SLC14A2: variants seen among roughly 807,000 people sequenced by gnomAD.
SLC14A2 encodes the protein solute carrier family 14 member 2.
SLC14A2 carries 91 observed loss-of-function variants against 104.6 expected under a neutral mutation model. The observed-to-expected ratio is 0.87, with a 90% CI of 0.73 to 1.04. The LOEUF is 1.04. Ranked by LOEUF, SLC14A2 falls within the 50% of genes least tolerant of loss-of-function variation. The probability of loss-of-function intolerance (pLI) is 0.00; values close to 1 mark genes in which losing one functional copy is unlikely to be tolerated. For missense variants in SLC14A2, 1,189 were observed against 1,156.0 expected (o/e 1.03, Z -0.41); for synonymous variants, 476 against 466.4 (o/e 1.02, Z -0.27).
chr18:45,388,346 G>A (rs10445474), intron 1 of SLC14A2, among the ~76,000 whole-genome samples: 5 of 152,062 alleles, frequency 3.3e-5, no homozygotes, highest in African/African-American at 1.2e-4. Context: ...ACAGGCATGA[G>A]CCACCGCGCC....
chr18:45,529,672 G>A (rs1046992947), intron 2 of SLC14A2: 1 of 152,054 alleles, frequency 6.6e-6, no homozygotes, highest in African/African-American at 2.4e-5. Flanking sequence ...GAAGTATCTC[G>A]GTCAGCAAGA....
At chr18:45,408,860 T>C (rs1000430413) in intron 1 of SLC14A2, among the ~76,000 whole-genome samples, 2 of 152,200 alleles carry the variant, frequency 1.3e-5, no homozygotes, top group Non-Finnish European at 2.9e-5. Context: ...ACCAACTAGC[T>C]GTGTGACTTT....
At position 45,345,148 on chromosome 18, in the gene SLC14A2, C is replaced by T. The variant is rs192897732; in HGVS notation, c.-125+131957C>T. ...AGGTGCTTCATGTCAGTACCTTTCA[C>T]TTTGTGAAGACCCACAGTGAGAAAT... is the stretch of plus-strand genomic sequence containing the variant. On this transcript the variant is annotated intron_variant, in intron 1 of 20. Transcript: ENST00000586448. Among the ~76,000 whole-genome samples the T allele has an allele frequency of 3.5e-4, 54 of 152,266 alleles. 1 individual carries two copies. Among genetic ancestry groups the T allele is most frequent in the Admixed American group, 9.8e-4 (15 of 15,290 alleles).
chr18:45,681,969 C>G (rs2046314993), intron 19 of SLC14A2, among the ~76,000 whole-genome samples: 1 of 152,204 alleles, frequency 6.6e-6, no homozygotes, highest in South Asian at 2.1e-4. Context: ...GGAGAAGACA[C>G]AGGATGACCA....
chr18:45,556,901 T>C (rs574301708), intron 2 of SLC14A2, among the ~76,000 whole-genome samples: 6 of 152,210 alleles, frequency 3.9e-5, no homozygotes, highest in Non-Finnish European at 7.3e-5. Context: ...AAAAACTTTA[T>C]GCATATAAGA....
intron 1 of SLC14A2, among the ~76,000 whole-genome samples, chr18:45,464,047 C>T (rs1480324092): frequency 3.9e-5 from 6 of 152,282 alleles, no homozygotes; most frequent in South Asian, 4.1e-4. Flanking sequence ...AGAACGCTAA[C>T]GCCTAACAAC....
chr18:45,309,689 G>A (rs1216997105), intron 1 of SLC14A2, among the ~76,000 whole-genome samples: 2 of 152,072 alleles, frequency 1.3e-5, no homozygotes, highest in African/African-American at 4.8e-5. Flanking sequence ...AAAAAAATTG[G>A]TTTTGTTGCT....
At chr18:45,170,498 A>G in the SLC14A2 span, among the ~76,000 whole-genome samples, 2 of 152,178 alleles carry the variant, frequency 1.3e-5, no homozygotes, top group Non-Finnish European at 2.9e-5. Context: ...ATGGACACAA[A>G]AAGGAACTCA....
At chr18:45,417,779 TA>T (rs996845165) in intron 1 of SLC14A2, among the ~76,000 whole-genome samples, 5 of 151,676 alleles carry the variant, frequency 3.3e-5, no homozygotes, top group African/African-American at 7.3e-5. Context: ...GATAATTACT[TA>T]AAAAAAAATC....
At chr18:45,414,414 G>A (rs1940056342) in intron 1 of SLC14A2, among the ~76,000 whole-genome samples, 3 of 152,032 alleles carry the variant, frequency 2.0e-5, no homozygotes, top group African/African-American at 4.8e-5. Flanking sequence ...TTTGGGAACA[G>A]GGGACTCTTC....
At position 45,672,751 on chromosome 18, in the gene SLC14A2, T is replaced by A. The variant is rs2046162174; in HGVS notation, c.2230-149T>A. 3.2e-5 allele frequency: 20 copies of A among 628,884 alleles called. No individual in the cohort carries two copies. In the South Asian group the frequency reaches 4.1e-4, roughly 13 times the overall value. 39.0% of individuals were successfully genotyped at this position (628,884 alleles called of 1,614,324 possible). On this transcript the variant is annotated intron_variant, in intron 16 of 19. Coordinates refer to ENST00000255226, the MANE Select transcript of SLC14A2 (RefSeq NM_007163.4). ...AAGATAATAAAGCTTTTGTTCCTGT[T>A]AAAGTTAACCTATTTGAATAGAAAC...
At chr18:45,434,765 G>C (rs143102949) in intron 1 of SLC14A2, among the ~76,000 whole-genome samples, 4 of 152,322 alleles carry the variant, frequency 2.6e-5, no homozygotes, top group Admixed American at 1.3e-4. Flanking sequence ...GAATGGGCAA[G>C]ATAAGAATTG....
chr18:45,265,305 A>C (rs2084580791), intron 1 of SLC14A2, among the ~76,000 whole-genome samples: 1 of 152,170 alleles, frequency 6.6e-6, no homozygotes, highest in African/African-American at 2.4e-5. Context: ...AACGGGCAGA[A>C]TTTAGAGTGA....
intron 2 of SLC14A2, among the ~76,000 whole-genome samples, chr18:45,525,003 A>G (rs370780117): frequency 7.2e-5 from 11 of 152,212 alleles, no homozygotes; most frequent in African/African-American, 2.7e-4. Context: ...GGGATAATAT[A>G]GAAAGCTTAT....
At chr18:45,457,699 A>G (rs892904937) in intron 1 of SLC14A2, among the ~76,000 whole-genome samples, 9 of 152,072 alleles carry the variant, frequency 5.9e-5, no homozygotes, top group African/African-American at 2.2e-4. Flanking sequence ...AAAAAAAAAA[A>G]AAAAGGAAAT....
intron 1 of SLC14A2, among the ~76,000 whole-genome samples, chr18:45,373,785 G>T (rs7229956): frequency 1.3e-5 from 2 of 152,190 alleles, no homozygotes; most frequent in Non-Finnish European, 2.9e-5. Context: ...CACAGGGCAA[G>T]TATGTAAATC....
At chr18:45,381,998 C>T (rs914034732) in intron 1 of SLC14A2, among the ~76,000 whole-genome samples, 2 of 152,136 alleles carry the variant, frequency 1.3e-5, no homozygotes, top group Non-Finnish European at 2.9e-5. Context: ...ATAACATTTC[C>T]GCTTAGCACC....
upstream of SLC14A2, among the ~76,000 whole-genome samples, chr18:45,209,316 C>T (rs1183670227): frequency 6.6e-6 from 1 of 152,060 alleles, no homozygotes; most frequent in Non-Finnish European, 1.5e-5. Flanking sequence ...CCTCTCCAGC[C>T]TGGGCAACAG....
chr18:45,618,025 C>A lies in SLC14A2; in HGVS notation c.-35+2443C>A, dbSNP rs191890623. 1.2e-3 allele frequency among the ~76,000 whole-genome samples: 189 copies of A among 152,246 alleles called. No homozygotes were observed. The Middle Eastern group carries it at 0.014, about 11-fold the overall frequency. ...CTGTATCCTGTGCAGGTATAATGGA[C>A]AGAACTGGAAACAGCAAAGAGAAAA... On this transcript the variant is annotated intron_variant, in intron 1 of 19. Transcript: ENST00000255226.
Sources: allele counts gnomAD v4.1 joint callset (sites outside exome capture counted in the v4.1 genomes callset), GRCh38; gene constraint gnomAD v4.1.1; transcripts MANE v1.5; gene names NCBI Gene and HGNC (gene_info 2026-07-23, HGNC 2026-07-21).